Variants in EVC2 observed in about 807,000 individuals in gnomAD.
EVC2 encodes EvC ciliary complex subunit 2.
A neutral mutation model predicts 149.3 loss-of-function variants in EVC2; 148 were observed. That is an observed-to-expected ratio of 0.99 (90% CI 0.87 to 1.14). EVC2 has a LOEUF of 1.14. Among genes scored for constraint, EVC2 ranks in the 50% most tolerant of loss-of-function variants. The pLI, the probability that EVC2 is intolerant of heterozygous loss-of-function variation, is 0.00. For synonymous variants in EVC2, 776 were observed against 649.9 expected (o/e 1.19, Z -2.95); for missense variants, 1,854 against 1,627.3 (o/e 1.14, Z -2.40).
intron 4 of EVC2, among the ~76,000 whole-genome samples, chr4:5,689,857 G>A (rs574286879): frequency 1.4e-4 from 21 of 152,118 alleles, no homozygotes; most frequent in Non-Finnish European, 2.9e-4. Context: ...GCCATCCAGC[G>A]GCCCATGCAA....
At chr4:5,675,928 G>A (rs948986703) in intron 7 of EVC2, among the ~76,000 whole-genome samples, 1 of 152,168 alleles carries the variant, frequency 6.6e-6, no homozygotes. Flanking sequence ...TGGGCAACAA[G>A]AGCAAAACTC....
Position 5,615,547 on chromosome 4 carries a change from G to A in EVC2, c.2707-3C>T, listed in dbSNP as rs755042717. 29 of 1,614,080 alleles carry A rather than the reference G, an allele frequency of 1.8e-5. No homozygotes were observed. Among genetic ancestry groups the A allele is most frequent in the East Asian group, 4.5e-5 (2 of 44,898 alleles). On this transcript the variant is annotated splice_region_variant and splice_polypyrimidine_tract_variant and intron_variant, in intron 15 of 21. Transcript: ENST00000344408. Reference sequence around the variant, plus strand: ...GACTTTCTCACCTTGGACTGTTGCTGGAGAGGGGTTGGGGAAGACGTGGGT... The same window carrying A: ...GACTTTCTCACCTTGGACTGTTGCTAGAGAGGGGTTGGGGAAGACGTGGGT...
chr4:5,612,513 A>G (rs1382055661), intron 16 of EVC2, among the ~76,000 whole-genome samples: 1 of 152,216 alleles, frequency 6.6e-6, no homozygotes, highest in Non-Finnish European at 1.5e-5. Context: ...TCCCTGCTGC[A>G]AGGAGAATTA....
At chr4:5,638,911 C>G (rs905450612) in intron 10 of EVC2, among the ~76,000 whole-genome samples, 3 of 152,068 alleles carry the variant, frequency 2.0e-5, no homozygotes, top group African/African-American at 7.3e-5. Flanking sequence ...CGTCTGGCCT[C>G]CAGAACTATT....
intron 9 of EVC2, among the ~76,000 whole-genome samples, chr4:5,641,742 A>G (rs970752148): frequency 2.0e-5 from 3 of 152,230 alleles, no homozygotes; most frequent in African/African-American, 7.2e-5. Flanking sequence ...CCACCATTCA[A>G]TCAGAACTAA....
At chr4:5,650,638 T>TATATATAGAG (rs1162935817) in intron 9 of EVC2, among the ~76,000 whole-genome samples, 19 of 45,092 alleles carry the variant, frequency 4.2e-4, no homozygotes, top group Admixed American at 9.1e-4. Context: ...TATATATATA[T>TATATATAGAG]AGAGAGAGAG....
intron 7 of EVC2, among the ~76,000 whole-genome samples, chr4:5,672,247 G>A (rs971738096): frequency 2.0e-5 from 3 of 152,224 alleles, no homozygotes; most frequent in East Asian, 1.9e-4. Context: ...GGGCGAGCCT[G>A]GAGAAGGACT....
intron 7 of EVC2, among the ~76,000 whole-genome samples, chr4:5,676,921 C>T (rs144517443): frequency 1.3e-4 from 20 of 152,190 alleles, no homozygotes; most frequent in African/African-American, 2.4e-4. Flanking sequence ...TCCATGCTGC[C>T]GCACGCTCCA....
chr4:5,578,893 C>A (rs1711517500), intron 17 of EVC2, among the ~76,000 whole-genome samples: 1 of 152,030 alleles, frequency 6.6e-6, no homozygotes, highest in South Asian at 2.1e-4. Flanking sequence ...GATGGCTTCA[C>A]AGAGGAAGTA....
chr4:5,705,686 T>C (rs1722086985), intron 1 of EVC2, among the ~76,000 whole-genome samples: 1 of 152,186 alleles, frequency 6.6e-6, no homozygotes, highest in African/African-American at 2.4e-5. Flanking sequence ...TGCTTGTACA[T>C]TAAATCTGCT....
At chr4:5,689,407 C>T in intron 4 of EVC2, 64 bp from the exon 5 acceptor site, 1 of 1,556,662 alleles carries the variant, frequency 6.4e-7, no homozygotes, top group Non-Finnish European at 8.8e-7. Context: ...TAAAATGGGG[C>T]ATGAGCCCAG....
chr4:5,598,331 A>T (rs2108806839), intron 16 of EVC2, among the ~76,000 whole-genome samples: 1 of 151,534 alleles, frequency 6.6e-6, no homozygotes, highest in South Asian at 2.1e-4. Flanking sequence ...CTACAAGGCT[A>T]CAGTAACCAA....
At chr4:5,708,195 C>A (rs1577284495) in intron 1 of EVC2, 91 bp downstream of exon 1, 1 of 1,164,440 alleles carries the variant, frequency 8.6e-7, no homozygotes. Context: ...TCATTCTTTG[C>A]GAAATACTAA....
intron 7 of EVC2, among the ~76,000 whole-genome samples, chr4:5,673,735 G>A (rs1470552407): frequency 2.6e-5 from 4 of 152,182 alleles, no homozygotes; most frequent in African/African-American, 9.7e-5. Context: ...TGCTTTAAAT[G>A]CTCAGAATCC....
chr4:5,560,916 C>G (rs1208604278), downstream of EVC2, among the ~76,000 whole-genome samples: 1 of 152,154 alleles, frequency 6.6e-6, no homozygotes, highest in Admixed American at 6.5e-5. The surrounding 1 kb of genome is among the most constrained non-coding windows in gnomAD (Gnocchi z 4.1). Context: ...TTCCCCAACA[C>G]ATCTTGGCAT....
At chr4:5,697,412 C>T (rs1577268650) in intron 2 of EVC2, among the ~76,000 whole-genome samples, 181 bp downstream of exon 2, 1 of 152,188 alleles carries the variant, frequency 6.6e-6, no homozygotes, top group East Asian at 1.9e-4. Context: ...AACGCTTCGG[C>T]CAGCTTTGAG....
intron 5 of EVC2, among the ~76,000 whole-genome samples, chr4:5,688,284 C>A (rs7696114): frequency 1.3e-5 from 2 of 151,816 alleles, no homozygotes; most frequent in African/African-American, 2.4e-5. Context: ...CGATGTGTGC[C>A]GTGAGTACGG....
chr4:5,531,426 C>T, the EVC2 span, among the ~76,000 whole-genome samples: 4 of 152,168 alleles, frequency 2.6e-5, no homozygotes, highest in Non-Finnish European at 2.9e-5. Flanking sequence ...CAAACCCATC[C>T]GGCCTATGGC....
Position 5,677,603 on chromosome 4 carries a change from G to C in EVC2, c.870+3657C>G, listed in dbSNP as rs1720078636. Among the ~76,000 whole-genome samples the C allele has an allele frequency of 6.6e-6, 1 of 152,228 alleles. No individual in the cohort carries two copies. The highest frequency in any genetic ancestry group is 6.5e-5 in the Admixed American group (1 of 15,292). ...CTCAATTCCATCCATAAGTGAGCCTGCGGCATCGGGGAAGAGCTCAGAAAT... is the reference window on the plus strand; with the variant it reads ...CTCAATTCCATCCATAAGTGAGCCTCCGGCATCGGGGAAGAGCTCAGAAAT... On this transcript the variant is annotated intron_variant, in intron 7 of 21. Coordinates refer to ENST00000344408, the MANE Select transcript of EVC2 (RefSeq NM_147127.5). This position sits in a 1 kb window ranked among gnomAD's most constrained non-coding sequence, Gnocchi z 4.3.
Sources: allele counts gnomAD v4.1 joint callset (sites outside exome capture counted in the v4.1 genomes callset), GRCh38; gene constraint gnomAD v4.1.1; non-coding constraint Gnocchi (gnomAD v3.1); transcripts MANE v1.5; gene names NCBI Gene and HGNC (gene_info 2026-07-23, HGNC 2026-07-21).